Variants in ELAVL2 observed in about 807,000 individuals in gnomAD.
ELAVL2 encodes ELAV like RNA binding protein 2, also known as ELAV-like protein 2.
Under a neutral mutation model 34.6 loss-of-function variants are expected in ELAVL2, and 4 were observed. The observed-to-expected ratio is 0.12, with a 90% CI of 0.06 to 0.26. The LOEUF (loss-of-function observed/expected upper bound fraction) is 0.26, where lower values mean the gene tolerates loss of function less well. ELAVL2 is among the 10% of genes least tolerant of loss of function. The pLI is 1.00. For missense variants in ELAVL2, 432 were observed against 442.8 expected (o/e 0.98, Z 0.22); for synonymous variants, 193 against 154.8 (o/e 1.25, Z -1.83).
chr9:23,705,165 A>G (rs2038897407), intron 3 of ELAVL2, 94 bp from the exon 4 acceptor site: 3 of 1,395,114 alleles, frequency 2.2e-6, no homozygotes, highest in African/African-American at 2.9e-5. Flanking sequence ...TTTCCCATGA[A>G]CAGCATAGAA....
intron 2 of ELAVL2, among the ~76,000 whole-genome samples, chr9:23,761,704 A>C (rs772429006): frequency 6.6e-6 from 1 of 152,088 alleles, no homozygotes; most frequent in Non-Finnish European, 1.5e-5. Flanking sequence ...AGGGTACTAA[A>C]AGATAAAAGT....
intron 3 of ELAVL2, among the ~76,000 whole-genome samples, chr9:23,714,897 CGA>C (rs1265604539): frequency 6.6e-6 from 1 of 152,140 alleles, no homozygotes; most frequent in East Asian, 1.9e-4. Context: ...TGAATACATT[CGA>C]GAGACTAAAA....
At chr9:23,702,961 A>AAAAAAAAAAC (rs2037867176) in intron 4 of ELAVL2, among the ~76,000 whole-genome samples, 1 of 139,642 alleles carries the variant, frequency 7.2e-6, no homozygotes, top group Non-Finnish European at 1.5e-5. Context: ...CAAAAAAAAA[A>AAAAAAAAAAC]AAAAAAAAAA....
At position 23,716,330 on chromosome 9, in the gene ELAVL2, A is replaced by AT. The variant is rs1304852842; in HGVS notation, c.334-11260dup. ...AAAGTATAATTTTAAAAATATGTAT[A>AT]TATAAAAAAACTTTGTTTTTGTATG... On this transcript the variant is annotated intron_variant, in intron 3 of 6. Coordinates refer to ENST00000397312, the MANE Select transcript of ELAVL2 (RefSeq NM_004432.5). Among the ~76,000 whole-genome samples the AT allele has an allele frequency of 9.8e-5, 15 of 152,332 alleles. No homozygotes were observed. In the East Asian group the frequency reaches 2.9e-3, roughly 29 times the overall value.
At chr9:23,762,768 A>G (rs2055335777) in intron 1 of ELAVL2, among the ~76,000 whole-genome samples, 1 of 152,178 alleles carries the variant, frequency 6.6e-6, no homozygotes, top group South Asian at 2.1e-4. Context: ...TTTTAAAAAT[A>G]TAAATTTGTC....
chr9:23,843,213 T>C, the ELAVL2 span, among the ~76,000 whole-genome samples: 1 of 152,140 alleles, frequency 6.6e-6, no homozygotes, highest in Non-Finnish European at 1.5e-5. Context: ...TAAAATGAGT[T>C]CAAGAGTATT....
At chr9:23,800,391 G>A (rs1162858598) in intron 1 of ELAVL2, among the ~76,000 whole-genome samples, 1 of 152,108 alleles carries the variant, frequency 6.6e-6, no homozygotes, top group Non-Finnish European at 1.5e-5. Flanking sequence ...TCACAACCCG[G>A]GATGGTAGTG....
chr9:23,709,254 C>A (rs1404226193), intron 3 of ELAVL2, among the ~76,000 whole-genome samples: 4 of 152,082 alleles, frequency 2.6e-5, no homozygotes, highest in African/African-American at 4.8e-5. Flanking sequence ...TCCTCCCTTC[C>A]TGGAAAACAT....
intron 1 of ELAVL2, chr9:23,779,482 C>G (rs1001421967): frequency 1.2e-6 from 1 of 847,360 alleles, no homozygotes; most frequent in African/African-American, 1.8e-5. Flanking sequence ...TTCCTTCTGG[C>G]TTCCTTAGAC....
At chr9:23,777,291 G>C (rs1041769853) in intron 1 of ELAVL2, among the ~76,000 whole-genome samples, 10 of 152,092 alleles carry the variant, frequency 6.6e-5, no homozygotes, top group African/African-American at 2.4e-4. Flanking sequence ...CTTCTAAAGG[G>C]AACCATGACC....
At chr9:23,824,678 C>T (rs1389309134) in intron 1 of ELAVL2, among the ~76,000 whole-genome samples, 1 of 152,210 alleles carries the variant, frequency 6.6e-6, no homozygotes, top group Non-Finnish European at 1.5e-5. Context: ...TCCCCCTTTC[C>T]CACATCTACC....
At chr9:23,726,157 T>C (rs2134279676) in intron 3 of ELAVL2, among the ~76,000 whole-genome samples, 1 of 152,162 alleles carries the variant, frequency 6.6e-6, no homozygotes, top group South Asian at 2.1e-4. Flanking sequence ...TAACAAAAAG[T>C]TAATGGCAAT....
chr9:23,773,029 T>C (rs1342910164), intron 1 of ELAVL2, among the ~76,000 whole-genome samples: 1 of 152,088 alleles, frequency 6.6e-6, no homozygotes, highest in African/African-American at 2.4e-5. Context: ...CTTTTTATGG[T>C]AATTAAGTTC....
chr9:23,782,286 G>C (rs2059163999), intron 1 of ELAVL2, among the ~76,000 whole-genome samples: 1 of 152,182 alleles, frequency 6.6e-6, no homozygotes, highest in South Asian at 2.1e-4. Flanking sequence ...TTGCTCAGAG[G>C]CTAGCATAGT....
chr9:23,754,939 A>C (rs993356282), intron 2 of ELAVL2, among the ~76,000 whole-genome samples: 4 of 152,160 alleles, frequency 2.6e-5, no homozygotes, highest in African/African-American at 9.7e-5. Context: ...TCAACATCAG[A>C]TTGTTTATGC....
intron 1 of ELAVL2, among the ~76,000 whole-genome samples, chr9:23,774,188 G>C (rs573970728): frequency 6.0e-4 from 82 of 136,436 alleles, no homozygotes; most frequent in African/African-American, 2.3e-3. Flanking sequence ...CCCAAGCCTG[G>C]GCAAAAGTGC....
chr9:23,760,155 G>C (rs1227578438), intron 2 of ELAVL2, among the ~76,000 whole-genome samples: 1 of 151,952 alleles, frequency 6.6e-6, no homozygotes, highest in Non-Finnish European at 1.5e-5. Context: ...ATTCACAAAA[G>C]AGTAAGATTA....
Position 23,823,274 on chromosome 9 carries a change from T to TA in ELAVL2, c.-16+2531dup, listed in dbSNP as rs1187952933. On this transcript the variant is annotated intron_variant, in intron 1 of 6. Coordinates refer to ENST00000397312, the MANE Select transcript of ELAVL2 (RefSeq NM_004432.5). ...TCTCATCCCAGGCACGCGGGATTGC[T>TA]AAAAATGCCTATTTCCAAAACGTTA... Among the ~76,000 whole-genome samples, 3 of 152,344 alleles carry TA rather than the reference T, an allele frequency of 2.0e-5. No individual in the cohort carries two copies. The East Asian group carries it at 5.8e-4, about 29-fold the overall frequency.
rs771053390 is a variant in ELAVL2 at position 23,692,784 on chromosome 9, G to A, written c.853C>T (p.Pro285Ser). The change falls in exon 7 of 7, where the codon CCT becomes TCT. Residue 285 changes from proline (P) to serine (S), a missense_variant. Physicochemically the swap from Pro to Ser is moderately conservative, Grantham distance 74. Coordinates refer to ENST00000397312, the MANE Select transcript of ELAVL2 (RefSeq NM_004432.5). Reference protein sequence around the residue: ...GWCIFVYNLAPDADESILWQM... With the variant: ...GWCIFVYNLASDADESILWQM... Reference sequence around the variant, plus strand: ...CACAGGATACTCTCATCTGCGTCAGGAGCCAGGTTGTACACAAATATACAC... The same window carrying A: ...CACAGGATACTCTCATCTGCGTCAGAAGCCAGGTTGTACACAAATATACAC... 1 of 1,614,132 alleles carries A rather than the reference G, an allele frequency of 6.2e-7. No homozygotes were observed. The highest frequency in any genetic ancestry group is 8.5e-7 in the Non-Finnish European group (1 of 1,180,008).
Sources: allele counts gnomAD v4.1 joint callset (sites outside exome capture counted in the v4.1 genomes callset), GRCh38; gene constraint gnomAD v4.1.1; transcripts MANE v1.5; gene names NCBI Gene and HGNC (gene_info 2026-07-23, HGNC 2026-07-21).